The following CLYBL variants were observed in gnomAD, a reference collection of about 807,000 sequenced individuals.
CLYBL encodes citramalyl-CoA lyase, mitochondrial.
In CLYBL, 31 loss-of-function variants were observed where a neutral mutation model predicts 38.9. That is an observed-to-expected ratio of 0.80 (90% CI 0.60 to 1.08). The LOEUF is 1.08. CLYBL is among the 50% of genes least tolerant of loss of function. The probability of loss-of-function intolerance (pLI) is 0.00; values close to 1 mark genes in which losing one functional copy is unlikely to be tolerated. For synonymous variants in CLYBL, 171 were observed against 158.6 expected (o/e 1.08, Z -0.59); for missense variants, 434 against 411.6 (o/e 1.05, Z -0.47).
intron 1 of CLYBL, among the ~76,000 whole-genome samples, chr13:99,642,253 C>T (rs2047106782): frequency 6.6e-6 from 1 of 152,152 alleles, no homozygotes; most frequent in South Asian, 2.1e-4. Context: ...CTGGCTGAGG[C>T]GTGCCTCTAG....
At chr13:99,882,981 C>T (rs114616933) in intron 7 of CLYBL, among the ~76,000 whole-genome samples, 1 of 151,846 alleles carries the variant, frequency 6.6e-6, no homozygotes, top group Non-Finnish European at 1.5e-5. Context: ...GCCAGGCCAG[C>T]CCAGCCCAGC....
chr13:99,698,780 CAAAA>C (rs750240721), intron 1 of CLYBL, among the ~76,000 whole-genome samples: 2 of 152,036 alleles, frequency 1.3e-5, no homozygotes, highest in Non-Finnish European at 2.9e-5. Flanking sequence ...TATGAATTGT[CAAAA>C]AGATTAATTG....
intron 2 of CLYBL, among the ~76,000 whole-genome samples, chr13:99,835,111 C>T (rs1490696212): frequency 6.6e-6 from 1 of 152,208 alleles, no homozygotes; most frequent in Non-Finnish European, 1.5e-5. Context: ...TTTCCAGATG[C>T]TTTTCTTGCT....
chr13:99,689,968 C>G (rs1256008672), intron 1 of CLYBL: 1 of 152,212 alleles, frequency 6.6e-6, no homozygotes, highest in Non-Finnish European at 1.5e-5. Context: ...AATTAGCTCT[C>G]TAGACTCAAA....
At position 99,863,887 on chromosome 13, in the gene CLYBL, G is replaced by T. The variant is rs9554644; in HGVS notation, c.540+795G>T. Among the ~76,000 whole-genome samples the T allele has an allele frequency of 6.5e-3, 996 of 152,156 alleles. 34 individuals carry two copies. Among genetic ancestry groups the T allele is most frequent in the East Asian group, 0.02 (104 of 5,188 alleles). On this transcript the variant is annotated intron_variant, in intron 4 of 8. Transcript: ENST00000339105. ...TAAAAACAACAGAAAAAACATAGTC[G>T]AACTGTACTGGAGAGAGAATGTGTG...
intron 1 of CLYBL, among the ~76,000 whole-genome samples, chr13:99,618,260 C>A (rs143774115): frequency 5.3e-5 from 8 of 151,618 alleles, no homozygotes; most frequent in Non-Finnish European, 7.4e-5. Flanking sequence ...TTATACATAA[C>A]AAAATTATCA....
rs2047361518 is a variant in CLYBL, at chr13:99,658,473, G to A, written c.62+51716G>A. Among the ~76,000 whole-genome samples the A allele has an allele frequency of 6.6e-5, 10 of 152,296 alleles. No individual in the cohort carries two copies. The South Asian group carries it at 2.1e-3, about 32-fold the overall frequency. On this transcript the variant is annotated intron_variant, in intron 1 of 8. Coordinates refer to ENST00000339105, the MANE Select transcript of CLYBL (RefSeq NM_206808.5). ...CCATCGCGAAACCCCGAGGCTGCCG[G>A]GGACTCTGACTGAGGCCTTTCCTCC... is the stretch of plus-strand genomic sequence containing the variant.
chr13:99,648,538 G>A (rs1277414243), intron 1 of CLYBL, among the ~76,000 whole-genome samples: 2 of 152,178 alleles, frequency 1.3e-5, no homozygotes, highest in Non-Finnish European at 2.9e-5. Context: ...AGCTGCCTGC[G>A]TTACTATTTA....
intron 1 of CLYBL, among the ~76,000 whole-genome samples, chr13:99,636,703 G>A (rs9585157): frequency 0.028 from 4,285 of 152,140 alleles, 204 homozygotes; most frequent in African/African-American, 0.097. Context: ...TAACTTTGTT[G>A]TGCACAGTAT....
chr13:99,635,476 A>G (rs1286219287), intron 1 of CLYBL, among the ~76,000 whole-genome samples: 3 of 152,224 alleles, frequency 2.0e-5, no homozygotes, highest in South Asian at 2.1e-4. Flanking sequence ...AGGTCTGGCC[A>G]TTCAGCCTCC....
chr13:99,622,633 C>T (rs2046814417), intron 1 of CLYBL, among the ~76,000 whole-genome samples: 1 of 152,158 alleles, frequency 6.6e-6, no homozygotes, highest in South Asian at 2.1e-4. Context: ...CCATCACCTC[C>T]ATCTAGTTCC....
At chr13:99,689,028 C>G (rs1245718194) in intron 1 of CLYBL, among the ~76,000 whole-genome samples, 1 of 152,106 alleles carries the variant, frequency 6.6e-6, no homozygotes, top group Non-Finnish European at 1.5e-5. Flanking sequence ...TGGAAGGACT[C>G]TCAATAAAAC....
intron 1 of CLYBL, among the ~76,000 whole-genome samples, chr13:99,614,631 T>C (rs535315849): frequency 6.6e-6 from 1 of 152,264 alleles, no homozygotes; most frequent in Admixed American, 6.5e-5. Context: ...CGGCCTCACC[T>C]TGGCCTCTGG....
chr13:99,854,939 C>T (rs577848929), intron 2 of CLYBL, among the ~76,000 whole-genome samples: 5 of 152,174 alleles, frequency 3.3e-5, no homozygotes, highest in East Asian at 1.9e-4. Flanking sequence ...CAGCATGGCA[C>T]GAAATATCGA....
intron 7 of CLYBL, among the ~76,000 whole-genome samples, chr13:99,883,779 T>G (rs1179574054): frequency 6.6e-6 from 1 of 152,102 alleles, no homozygotes; most frequent in Non-Finnish European, 1.5e-5. Context: ...TGTGTCCCCT[T>G]CCAGTCCCCA....
At chr13:99,717,491 G>A (rs61974414) in intron 1 of CLYBL, among the ~76,000 whole-genome samples, 5 of 149,772 alleles carry the variant, frequency 3.3e-5, no homozygotes, top group South Asian at 2.1e-4. Context: ...GCAGGGTCTC[G>A]GTCTGTTGCC....
intron 1 of CLYBL, among the ~76,000 whole-genome samples, chr13:99,752,848 CAGGA>C (rs2048982765): frequency 6.6e-6 from 1 of 152,146 alleles, no homozygotes; most frequent in South Asian, 2.1e-4. Context: ...CCCCACCAAA[CAGGA>C]AGGGTGTTCC....
chr13:99,904,114 AAAG>A (rs1235705105), intron 8 of CLYBL, among the ~76,000 whole-genome samples: 1 of 152,104 alleles, frequency 6.6e-6, no homozygotes, highest in Non-Finnish European at 1.5e-5. Flanking sequence ...TTTTGTTGCC[AAAG>A]AAGGACTTAG....
At chr13:99,770,979 CA>C (rs1445707919) in intron 1 of CLYBL, among the ~76,000 whole-genome samples, 1 of 150,244 alleles carries the variant, frequency 6.7e-6, no homozygotes, top group Non-Finnish European at 1.5e-5. Context: ...CTTGGCCTCC[CA>C]AAGTGCCAGG....
Sources: allele counts gnomAD v4.1 joint callset (sites outside exome capture counted in the v4.1 genomes callset), GRCh38; gene constraint gnomAD v4.1.1; transcripts MANE v1.5; gene names NCBI Gene and HGNC (gene_info 2026-07-23, HGNC 2026-07-21).